Variants in PCSK2 observed in about 807,000 individuals in gnomAD.
PCSK2 encodes neuroendocrine convertase 2.
A neutral mutation model predicts 69.7 loss-of-function variants in PCSK2; 14 were observed. The ratio of observed to expected loss-of-function variants is 0.20; its 90% CI spans 0.13 to 0.31. The LOEUF is 0.31. Among genes scored for constraint, PCSK2 ranks in the 10% least tolerant of loss-of-function variants. PCSK2 has a pLI of 1.00. For synonymous variants in PCSK2, 307 were observed against 320.7 expected (o/e 0.96, Z 0.46); for missense variants, 544 against 842.5 (o/e 0.65, Z 4.39).
chr20:17,376,059 A>G (rs2030916232), intron 5 of PCSK2, among the ~76,000 whole-genome samples: 1 of 152,166 alleles, frequency 6.6e-6, no homozygotes, highest in Non-Finnish European at 1.5e-5. Context: ...CGCCTCTGCC[A>G]TCGCCATTAG....
intron 5 of PCSK2, among the ~76,000 whole-genome samples, chr20:17,386,624 A>G (rs2031240802): frequency 6.6e-6 from 1 of 152,206 alleles, no homozygotes. Context: ...GGTAGTTGCC[A>G]GGGTCTGGGT....
In PCSK2 at chr20:17,433,812, T is replaced by TCTCTCTCTCTCTCTCCCC. The variant is rs774361715; in HGVS notation, c.710-2895_710-2894insTCTCTCTCTCTCTCCCCC. Reference sequence around the variant, plus strand: ...CTCTCTCTCTCTCTCTCTCTCTCTCTCCCCCCACTTCCTTCCCTCCTCCTC... The same window carrying TCTCTCTCTCTCTCTCCCC: ...CTCTCTCTCTCTCTCTCTCTCTCTCTCTCTCTCTCTCTCTCCCCCCCCCCACTTCCTTCCCTCCTCCTC... On this transcript the variant is annotated intron_variant, in intron 7 of 11. Transcript: ENST00000262545. Among the ~76,000 whole-genome samples, 5 of 104,172 alleles carry TCTCTCTCTCTCTCTCCCC rather than the reference T, an allele frequency of 4.8e-5. 1 individual carries two copies. The East Asian group carries it at 1.1e-3, about 24-fold the overall frequency. 68.3% of individuals were successfully genotyped at this position (104,172 alleles called of 152,430 possible).
At chr20:17,309,854 A>G (rs1185781561) in intron 2 of PCSK2, among the ~76,000 whole-genome samples, 5 of 145,232 alleles carry the variant, frequency 3.4e-5, no homozygotes, top group Non-Finnish European at 7.6e-5. Flanking sequence ...AAGAGGAAGA[A>G]GAAGAAGGGG....
intron 2 of PCSK2, among the ~76,000 whole-genome samples, chr20:17,340,471 T>C (rs1163215452): frequency 6.6e-6 from 1 of 152,244 alleles, no homozygotes; most frequent in Non-Finnish European, 1.5e-5. Flanking sequence ...CAGATTTAAT[T>C]TGGGTTTTGT....
At chr20:17,281,433 ATATACAACTAGTTCCACCCCTTAC>A (rs1988307777) in intron 2 of PCSK2, among the ~76,000 whole-genome samples, 1 of 152,182 alleles carries the variant, frequency 6.6e-6, no homozygotes, top group Non-Finnish European at 1.5e-5. Context: ...TGTGGGTGCT[ATATACAACTAGTTCCACCCCTTAC>A]TATGTTACCA....
At chr20:17,248,919 C>T (rs1986870236) in intron 1 of PCSK2, among the ~76,000 whole-genome samples, 1 of 152,100 alleles carries the variant, frequency 6.6e-6, no homozygotes, top group Admixed American at 6.5e-5. Context: ...CTCAGGAGAG[C>T]TGGGATTTCT....
At chr20:17,451,581 C>T (rs147853098) in intron 8 of PCSK2, among the ~76,000 whole-genome samples, 105 of 152,294 alleles carry the variant, frequency 6.9e-4, no homozygotes, top group African/African-American at 2.4e-3. Flanking sequence ...GGAACTGATA[C>T]AGAATCACTT....
chr20:17,330,596 G>A (rs1304059710), intron 2 of PCSK2, among the ~76,000 whole-genome samples: 6 of 152,112 alleles, frequency 3.9e-5, no homozygotes, highest in African/African-American at 1.4e-4. Flanking sequence ...CAGCCTGGGC[G>A]ACAGAGTGAG....
intron 1 of PCSK2, among the ~76,000 whole-genome samples, chr20:17,248,438 T>A (rs569665836): frequency 5.3e-5 from 8 of 152,290 alleles, no homozygotes; most frequent in Admixed American, 5.2e-4. Context: ...GTAAGTCACA[T>A]AGCATCTGTC....
At chr20:17,384,287 T>G (rs1026484314) in intron 5 of PCSK2, among the ~76,000 whole-genome samples, 2 of 151,948 alleles carry the variant, frequency 1.3e-5, no homozygotes, top group Admixed American at 6.6e-5. Flanking sequence ...TACATACTAT[T>G]TAAAAATAAA....
chr20:17,466,260 C>T (rs2033099376), intron 11 of PCSK2, among the ~76,000 whole-genome samples: 1 of 152,198 alleles, frequency 6.6e-6, no homozygotes, highest in Non-Finnish European at 1.5e-5. Context: ...GCTTAACTTG[C>T]CTGTTCCATA....
intron 5 of PCSK2, among the ~76,000 whole-genome samples, chr20:17,370,747 G>A (rs1300850028): frequency 6.6e-6 from 1 of 152,184 alleles, no homozygotes; most frequent in Non-Finnish European, 1.5e-5. Context: ...AGTCCTTGCT[G>A]CCTCTCCCTG....
intron 7 of PCSK2, among the ~76,000 whole-genome samples, chr20:17,434,481 G>A (rs1276208040): frequency 1.3e-5 from 2 of 152,200 alleles, no homozygotes; most frequent in African/African-American, 4.8e-5. Flanking sequence ...CCTGGTCCCT[G>A]AATATGAATG....
At chr20:17,448,445 T>TA (rs751743248) in intron 8 of PCSK2, among the ~76,000 whole-genome samples, 161 of 152,254 alleles carry the variant, frequency 1.1e-3, no homozygotes, top group Non-Finnish European at 1.8e-3. Context: ...ATGAGCAAAA[T>TA]AAAAAAATTG....
intron 2 of PCSK2, among the ~76,000 whole-genome samples, chr20:17,288,503 C>G (rs1988593907): frequency 6.6e-6 from 1 of 152,322 alleles, no homozygotes. Context: ...GGCTCATGTT[C>G]TGGGCTGAAT....
At chr20:17,254,799 C>T (rs1401022247) in intron 1 of PCSK2, among the ~76,000 whole-genome samples, 7 of 152,138 alleles carry the variant, frequency 4.6e-5, no homozygotes, top group African/African-American at 9.7e-5. Flanking sequence ...TTAAAAAATC[C>T]GTGAACATGA....
At position 17,387,322 on chromosome 20, in the gene PCSK2, A is replaced by G. The variant is rs8119078; in HGVS notation, c.543+18045A>G. 3.7e-3 allele frequency among the ~76,000 whole-genome samples: 563 copies of G among 152,278 alleles called. 3 individuals are homozygous for G. Among genetic ancestry groups the G allele is most frequent in the African/African-American group, 0.013 (539 of 41,562 alleles). ...AACATGGCAGCATAAAACAAAATAC[A>G]TATATATATTTTGTTTCACACCGTT... On this transcript the variant is annotated intron_variant, in intron 5 of 11. Transcript: ENST00000262545.
chr20:17,429,777 C>T (rs1281976893), intron 7 of PCSK2, among the ~76,000 whole-genome samples: 1 of 151,874 alleles, frequency 6.6e-6, no homozygotes, highest in East Asian at 1.9e-4. Flanking sequence ...CTGGCCATAC[C>T]CATACAGTGA....
At chr20:17,274,128 A>G (rs911491611) in intron 2 of PCSK2, among the ~76,000 whole-genome samples, 1 of 152,156 alleles carries the variant, frequency 6.6e-6, no homozygotes, top group African/African-American at 2.4e-5. Context: ...TTTATTCAAA[A>G]CAACAATAAA....
Sources: gnomAD v4.1 joint callset for allele counts (sites outside exome capture counted in the v4.1 genomes callset) on GRCh38, gnomAD v4.1.1 for gene constraint, MANE v1.5 for transcripts, NCBI Gene and HGNC (gene_info 2026-07-23, HGNC 2026-07-21) for gene names.